PHLDB2: variants seen among roughly 807,000 people sequenced by gnomAD.
PHLDB2 encodes the protein pleckstrin homology like domain family B member 2, also known as pleckstrin homology-like domain family B member 2.
PHLDB2 carries 71 observed loss-of-function variants against 123.6 expected under a neutral mutation model. That is an observed-to-expected ratio of 0.57 (90% CI 0.47 to 0.70). The LOEUF (loss-of-function observed/expected upper bound fraction) is 0.70. PHLDB2 is among the 30% of genes least tolerant of loss of function. The probability of loss-of-function intolerance (pLI) is 0.00; values close to 1 mark genes in which losing one functional copy is unlikely to be tolerated. For missense variants in PHLDB2, 1,446 were observed against 1,519.5 expected, an observed-to-expected ratio of 0.95 and a Z score of 0.80; for synonymous variants, 547 against 541.6, an observed-to-expected ratio of 1.01 and a Z score of -0.14.
intron 5 of PHLDB2, among the ~76,000 whole-genome samples, chr3:111,920,797 G>T (rs1383490126): frequency 6.6e-6 from 1 of 152,178 alleles, no homozygotes; most frequent in Non-Finnish European, 1.5e-5. Flanking sequence ...CTGTAGGGAT[G>T]GCTTAAGCAA....
At chr3:111,930,721 G>T (rs73230447) in intron 5 of PHLDB2, among the ~76,000 whole-genome samples, 27,033 of 152,042 alleles carry the variant, frequency 0.18, 2,628 homozygotes, top group South Asian at 0.22. Flanking sequence ...TAATGCCATT[G>T]CTTTCTCCAA....
chr3:111,969,880 G>A lies in PHLDB2; in HGVS notation c.3506G>A (p.Arg1169Gln), dbSNP rs140319291. 2.0e-5 allele frequency: 33 copies of A among 1,613,756 alleles called. No individual in the cohort carries two copies. The highest frequency in any genetic ancestry group is 1.5e-4 in the African/African-American group (11 of 74,874). ...TWKKRWFVFDRNKRTFSYYAD... is the reference protein window; with the variant it reads ...TWKKRWFVFDQNKRTFSYYAD... ...AAAAAACGTTGGTTTGTTTTTGATC[G>A]GAACAAGCGAACATTCTCTTATTAT... is the stretch of plus-strand genomic sequence containing the variant. The change falls in exon 16 of 18, where the codon CGG (arginine) becomes CAG (glutamine). Residue 1169 changes from arginine (R) to glutamine (Q), a missense_variant. Physicochemically the swap from Arg to Gln is conservative, Grantham distance 43. This residue lies in a region of PHLDB2 where 594 missense variants were observed against 646.0 expected (regional missense o/e 0.92). Transcript: ENST00000431670.
At chr3:111,859,038 C>A (rs887120130), upstream of PHLDB2, 1 of 263,194 alleles carries the variant, frequency 3.8e-6, no homozygotes, top group Non-Finnish European at 5.9e-6. Context: ...GAGTTTAAAA[C>A]CCTCCTGACC....
At chr3:111,918,976 CTG>C (rs2068342662) in intron 3 of PHLDB2, 94 bp from the exon 4 acceptor site, 2 of 1,295,492 alleles carry the variant, frequency 1.5e-6, no homozygotes, top group Non-Finnish European at 1.1e-6. Context: ...GGCATGGAGA[CTG>C]TGAGACCCTA....
At position 111,969,783 on chromosome 3, in the gene PHLDB2, TACC is replaced by T. The variant is rs772080947; in HGVS notation, c.3411_3413del (p.His1138del). 10 of 1,614,068 alleles carry T rather than the reference TACC, an allele frequency of 6.2e-6. No individual in the cohort carries two copies. Among genetic ancestry groups the T allele is most frequent in the Non-Finnish European group, 8.5e-6 (10 of 1,179,908 alleles). On this transcript the variant is annotated inframe_deletion, in exon 16 of 18. Coordinates refer to ENST00000431670, the MANE Select transcript of PHLDB2 (RefSeq NM_001134438.2). ...TGCTGGCCACAATATTGACACCTGT[TACC>T]ATGTATCAATCACAGAGAAGACCTG...
chr3:111,830,371 C>T (rs1486206411), intron 1 of PHLDB2, among the ~76,000 whole-genome samples: 2 of 152,010 alleles, frequency 1.3e-5, no homozygotes, highest in African/African-American at 4.8e-5. Flanking sequence ...AATTCTTTAT[C>T]TTACATGCGA....
chr3:111,822,317 G>GTGTGTGTGTGTGTGTGTGTGTATATA (rs1553734228), intron 1 of PHLDB2, among the ~76,000 whole-genome samples: 26 of 147,802 alleles, frequency 1.8e-4, no homozygotes, highest in African/African-American at 5.6e-4. Flanking sequence ...GTGTGTGTGT[G>GTGTGTGTGTGTGTGTGTGTGTATATA]TATATATATA....
intron 1 of PHLDB2, among the ~76,000 whole-genome samples, chr3:111,754,382 A>C (rs1056346842): frequency 1.7e-4 from 24 of 139,104 alleles, no homozygotes; most frequent in Non-Finnish European, 3.3e-4. Context: ...TGTAAGTTGG[A>C]TTCCTAGGTA....
chr3:111,856,410 TCC>T (rs1374539355), upstream of PHLDB2, among the ~76,000 whole-genome samples: 1 of 152,242 alleles, frequency 6.6e-6, no homozygotes, highest in Non-Finnish European at 1.5e-5. Context: ...TCTCTGTGAT[TCC>T]TTTTTTACTT....
chr3:111,891,793 T>C (rs2066514543), intron 2 of PHLDB2, among the ~76,000 whole-genome samples: 1 of 152,156 alleles, frequency 6.6e-6, no homozygotes. Flanking sequence ...TTCCTCCAAG[T>C]AGTCCAGAGG....
rs369435078 is a variant in PHLDB2, at chr3:111,949,534, G to A, written c.2631+459G>A. 1.3e-4 allele frequency among the ~76,000 whole-genome samples: 20 copies of A among 152,094 alleles called. 1 individual carries two copies. Among genetic ancestry groups the A allele is most frequent in the Admixed American group, 2.6e-4 (4 of 15,268 alleles). On this transcript the variant is annotated intron_variant, in intron 10 of 17. Coordinates refer to ENST00000431670, the MANE Select transcript of PHLDB2 (RefSeq NM_001134438.2). Reference sequence around the variant, plus strand: ...TAAAATACCTTCAGTGATCCAAGTCGCTTACAGTGTGGGATTTTAATAAGA... The same window carrying A: ...TAAAATACCTTCAGTGATCCAAGTCACTTACAGTGTGGGATTTTAATAAGA...
intron 1 of PHLDB2, among the ~76,000 whole-genome samples, chr3:111,740,355 T>TGAGAGAGA (rs71131974): frequency 4.0e-5 from 6 of 150,468 alleles, no homozygotes; most frequent in African/African-American, 1.5e-4. Flanking sequence ...TCATTAAATA[T>TGAGAGAGA]GAGAGAGAGA....
intron 1 of PHLDB2, chr3:111,845,678 G>T: frequency 1.2e-6 from 1 of 861,682 alleles, no homozygotes; most frequent in Non-Finnish European, 1.8e-6. Context: ...GATCCAGGAC[G>T]TCTGTTTTTC....
rs189583151 is a variant in PHLDB2 at position 111,860,063 on chromosome 3, T to C, written c.-15+487T>C. On this transcript the variant is annotated intron_variant, in intron 1 of 17. Transcript: ENST00000431670. ...TTGAGGGGATCCCGGGGAGGGAGTG[T>C]CTGGTAGGGAAGATGCTTCCAGAGT... is the stretch of plus-strand genomic sequence containing the variant. 1.6e-3 allele frequency among the ~76,000 whole-genome samples: 237 copies of C among 151,532 alleles called. 1 individual carries two copies. Among genetic ancestry groups the C allele is most frequent in the African/African-American group, 5.5e-3 (227 of 41,292 alleles).
At chr3:111,966,514 T>G (rs1284241083) in intron 13 of PHLDB2, 99 bp from the exon 14 acceptor site, 2 of 571,218 alleles carry the variant, frequency 3.5e-6, no homozygotes, top group Non-Finnish European at 2.9e-6. Flanking sequence ...TGTGTGTGTG[T>G]GTGTGTGTCT....
intron 1 of PHLDB2, among the ~76,000 whole-genome samples, chr3:111,818,955 T>C (rs993652438): frequency 7.2e-5 from 11 of 152,274 alleles, no homozygotes; most frequent in African/African-American, 2.4e-4. Flanking sequence ...CAAAATGTCA[T>C]CAATTGGGTG....
chr3:111,848,370 C>T (rs2064102350), intron 2 of PHLDB2, among the ~76,000 whole-genome samples: 2 of 152,190 alleles, frequency 1.3e-5, no homozygotes, highest in South Asian at 4.1e-4. Flanking sequence ...CCTGGATAGT[C>T]ACTTTGATAA....
At chr3:111,878,586 A>G (rs1010948407) in intron 1 of PHLDB2, among the ~76,000 whole-genome samples, 12 of 152,286 alleles carry the variant, frequency 7.9e-5, no homozygotes, top group Non-Finnish European at 1.8e-4. Context: ...TTCCAATACT[A>G]TGTTGAATAG....
rs182242596 is a variant in PHLDB2 at position 111,815,779 on chromosome 3, T to C, written c.-48-30042T>C. 1.1e-4 allele frequency among the ~76,000 whole-genome samples: 16 copies of C among 152,298 alleles called. No individual in the cohort carries two copies. In the East Asian group the frequency reaches 2.7e-3, roughly 26 times the overall value. The stretch of plus-strand genomic sequence containing the variant: ...TTCAAGCTGGCTGCAGAAATGTACA[T>C]AATTAATGAGGAGTCAAATAATCCC... On this transcript the variant is annotated intron_variant, in intron 1 of 17. Transcript: ENST00000393923.
Sources: allele counts gnomAD v4.1 joint callset (sites outside exome capture counted in the v4.1 genomes callset), GRCh38; gene constraint gnomAD v4.1.1; regional missense constraint gnomAD v4.1.1; transcripts MANE v1.5; gene names NCBI Gene and HGNC (gene_info 2026-07-23, HGNC 2026-07-21).